ATR: variants seen among roughly 807,000 people sequenced by gnomAD.
ATR encodes serine/threonine-protein kinase ATR.
ATR carries 142 observed loss-of-function variants against 305.3 expected under a neutral mutation model. That is an observed-to-expected ratio of 0.47 (90% confidence interval 0.41 to 0.53). ATR has a LOEUF of 0.53. Among genes scored for constraint, ATR ranks in the 20% least tolerant of loss-of-function variants. The probability of loss-of-function intolerance (pLI) is 0.00; values close to 1 mark genes in which losing one functional copy is unlikely to be tolerated. For missense variants in ATR, 2,135 were observed against 3,133.1 expected (o/e 0.68, Z 7.60); for synonymous variants, 1,050 against 1,068.1 (o/e 0.98, Z 0.33).
chr3:142,494,704 G>A (rs537898698), intron 34 of ATR, among the ~76,000 whole-genome samples: 7 of 152,212 alleles, frequency 4.6e-5, no homozygotes, highest in Non-Finnish European at 8.8e-5. Flanking sequence ...AGATGGTGAT[G>A]AATGACACTG....
At position 142,519,665 on chromosome 3, in the gene ATR, A is replaced by C; in HGVS notation, c.4382+4T>G. The stretch of plus-strand genomic sequence containing the variant: ...ATGAAAATACATTAAATAAGCCTAC[A>C]TACCTGGTATTTAGATGAGGTTCTA... On this transcript the variant is annotated splice_donor_region_variant and intron_variant, in intron 24 of 46. Coordinates refer to ENST00000350721, the MANE Select transcript of ATR (RefSeq NM_001184.4). 6.3e-7 allele frequency: 1 copy of C among 1,592,184 alleles called. No homozygotes were observed.
intron 10 of ATR, among the ~76,000 whole-genome samples, chr3:142,555,247 A>G (rs1306020547): frequency 1.4e-5 from 1 of 73,150 alleles, no homozygotes; most frequent in African/African-American, 4.2e-5. Context: ...GGGGAAAAAA[A>G]AAAAAAGAAA....
chr3:142,517,674 A>T (rs1307357746), intron 24 of ATR, among the ~76,000 whole-genome samples: 1 of 152,240 alleles, frequency 6.6e-6, no homozygotes, highest in Non-Finnish European at 1.5e-5. Context: ...TAAAAGCTAA[A>T]GACCAAAAGA....
Position 142,513,519 on chromosome 3 carries a change from A to T in ATR, c.4623T>A (p.Asn1541Lys). 6.2e-7 allele frequency: 1 copy of T among 1,613,614 alleles called. No individual in the cohort carries two copies. The stretch of plus-strand genomic sequence containing the variant: ...ATCTCACCTCCTGCTGATCTTCTTG[A>T]TTACAACCCAGTAAGACATACACCA... Reference protein sequence around the residue: ...HILVYVLLGCNQEDQQEVYAE... With the variant: ...HILVYVLLGCKQEDQQEVYAE... Residue 1541 changes from asparagine to lysine, a missense_variant, in exon 26 of 47, where the codon AAT (asparagine) becomes AAA (lysine). Around this residue, in one of 9 missense-constraint regions of ATR, gnomAD observed 202 missense variants for 252.9 expected, o/e 0.80. Coordinates refer to ENST00000350721, the MANE Select transcript of ATR (RefSeq NM_001184.4).
intron 16 of ATR, among the ~76,000 whole-genome samples, chr3:142,545,067 A>T (rs1577670251): frequency 6.6e-6 from 1 of 152,300 alleles, no homozygotes; most frequent in East Asian, 1.9e-4. Context: ...CAATTATTTG[A>T]CTTTATCTAC....
Position 142,485,162 on chromosome 3 carries a change from A to G in ATR, c.6199T>C (p.Tyr2067His), listed in dbSNP as rs1045320399. 1.2e-6 allele frequency: 2 copies of G among 1,614,076 alleles called. No homozygotes were observed. The highest frequency in any genetic ancestry group is 1.7e-5 in the Admixed American group (1 of 60,000). ...KMEKQGDLIR[Y>H]IVLHFGRSLQ... ...CACCTGCCAAAATGAAGAACTATAT[A>G]CCGGATGAGATCACCTTGCTTTTCC... The change falls in exon 36 of 47, where the codon TAT (tyrosine) becomes CAT (histidine). Residue 2067 changes from tyrosine (Y) to histidine (H), a missense_variant. Around this residue, in one of 9 missense-constraint regions of ATR, gnomAD observed 462 missense variants for 887.6 expected, o/e 0.52. Transcript: ENST00000350721.
chr3:142,479,163 A>C (rs567370328), intron 36 of ATR, among the ~76,000 whole-genome samples: 174 of 152,184 alleles, frequency 1.1e-3, no homozygotes, highest in Non-Finnish European at 2.1e-3. Flanking sequence ...TCGTTAGTTG[A>C]TGCAGTTTCT....
intron 21 of ATR, among the ~76,000 whole-genome samples, chr3:142,532,739 T>A (rs1180963053): frequency 6.6e-6 from 1 of 152,212 alleles, no homozygotes; most frequent in Non-Finnish European, 1.5e-5. Flanking sequence ...CTACCACAAC[T>A]TCAGGTGTAT....
intron 1 of ATR, among the ~76,000 whole-genome samples, chr3:142,572,639 A>T (rs1451778832): frequency 6.6e-6 from 1 of 151,622 alleles, no homozygotes; most frequent in Non-Finnish European, 1.5e-5. Context: ...GCAGGTATAG[A>T]GACACACACC....
chr3:142,561,516 T>C, intron 4 of ATR, 95 bp from the exon 5 acceptor site: 1 of 1,326,344 alleles, frequency 7.5e-7, no homozygotes, highest in Admixed American at 2.1e-5. Flanking sequence ...TTAGGTGTTT[T>C]CTAGTGAAAC....
intron 18 of ATR, 34 bp downstream of exon 18, chr3:142,540,870 A>C: frequency 6.4e-7 from 1 of 1,560,968 alleles, no homozygotes; most frequent in South Asian, 1.2e-5. Flanking sequence ...AATGCAAAAA[A>C]AAAAAAAATT....
chr3:142,515,575 A>T, intron 24 of ATR, 60 bp from the exon 25 acceptor site: 2 of 1,502,592 alleles, frequency 1.3e-6, no homozygotes, highest in Non-Finnish European at 1.8e-6. Context: ...AATTTTAGTA[A>T]ATTACAGCAA....
At chr3:142,536,678 G>A (rs2033872327) in intron 19 of ATR, among the ~76,000 whole-genome samples, 1 of 152,140 alleles carries the variant, frequency 6.6e-6, no homozygotes, top group South Asian at 2.1e-4. Context: ...AATGAGAGAG[G>A]GCCCAGCCCA....
chr3:142,484,069 T>A (rs1390537336), intron 36 of ATR, among the ~76,000 whole-genome samples: 5 of 151,994 alleles, frequency 3.3e-5, no homozygotes, highest in Admixed American at 6.6e-5. Context: ...TAACTCCTCG[T>A]TTTAATGTCA....
intron 21 of ATR, among the ~76,000 whole-genome samples, chr3:142,534,245 T>C (rs2033770767): frequency 6.6e-6 from 1 of 152,074 alleles, no homozygotes; most frequent in Admixed American, 6.5e-5. Context: ...TGCACATCTA[T>C]AGTCAGGAAG....
intron 36 of ATR, among the ~76,000 whole-genome samples, chr3:142,470,874 G>T (rs2071246859): frequency 6.6e-6 from 1 of 152,018 alleles, no homozygotes; most frequent in East Asian, 1.9e-4. Context: ...TCTCCTTCTT[G>T]AATTTTTTAG....
At chr3:142,496,548 G>C in intron 33 of ATR, 28 bp from the exon 34 acceptor site, 1 of 1,600,158 alleles carries the variant, frequency 6.2e-7, no homozygotes, top group South Asian at 1.1e-5. Flanking sequence ...ACATTGGTGA[G>C]AGAGACCATT....
intron 26 of ATR, among the ~76,000 whole-genome samples, chr3:142,512,826 C>A (rs2032646434): frequency 6.6e-6 from 1 of 152,086 alleles, no homozygotes; most frequent in Admixed American, 6.6e-5. Context: ...GCACCCCAAC[C>A]TGGGCAACAA....
intron 36 of ATR, chr3:142,472,100 T>C (rs1438233964): frequency 7.2e-5 from 11 of 151,790 alleles, no homozygotes; most frequent in Admixed American, 2.6e-4. Flanking sequence ...TGTGTGTGTG[T>C]GTGTGTGTGT....
Sources: allele counts gnomAD v4.1 joint callset (sites outside exome capture counted in the v4.1 genomes callset), GRCh38; gene constraint gnomAD v4.1.1; regional missense constraint gnomAD v4.1.1; transcripts MANE v1.5; gene names NCBI Gene and HGNC (gene_info 2026-07-23, HGNC 2026-07-21).